SYNPR: variants seen among roughly 807,000 people sequenced by gnomAD.
The protein encoded by SYNPR is synaptoporin.
A neutral mutation model predicts 32.9 loss-of-function variants in SYNPR; 23 were observed. The observed-to-expected ratio is 0.70, with a 90% CI of 0.50 to 0.99. The LOEUF (loss-of-function observed/expected upper bound fraction) is 0.99. Among genes scored for constraint, SYNPR ranks in the 50% least tolerant of loss-of-function variants. The pLI is 0.00. For synonymous variants in SYNPR, 146 were observed against 135.9 expected, an observed-to-expected ratio of 1.07 and a Z score of -0.52; for missense variants, 318 against 349.3, an observed-to-expected ratio of 0.91 and a Z score of 0.71.
intron 4 of SYNPR, among the ~76,000 whole-genome samples, chr3:63,559,348 G>T (rs1445636130): frequency 6.6e-6 from 1 of 152,100 alleles, no homozygotes; most frequent in African/African-American, 2.4e-5. Flanking sequence ...AAAATGTTGG[G>T]ATTACAGGCG....
intron 3 of SYNPR, among the ~76,000 whole-genome samples, chr3:63,271,070 T>TC (rs2086532918): frequency 6.6e-6 from 1 of 150,658 alleles, no homozygotes; most frequent in African/African-American, 2.4e-5. Flanking sequence ...CTTCTCTCTT[T>TC]TAAGTGTTTA....
At chr3:63,496,892 C>A (rs182510749) in intron 3 of SYNPR, among the ~76,000 whole-genome samples, 1 of 152,050 alleles carries the variant, frequency 6.6e-6, no homozygotes, top group African/African-American at 2.4e-5. Flanking sequence ...TGGTACCAGG[C>A]ACTATGCTTG....
intron 4 of SYNPR, among the ~76,000 whole-genome samples, chr3:63,565,165 T>G (rs1328892550): frequency 6.6e-6 from 1 of 152,162 alleles, no homozygotes; most frequent in Non-Finnish European, 1.5e-5. Flanking sequence ...AAAACTTGGC[T>G]TCCTTTCTCA....
intron 2 of SYNPR, among the ~76,000 whole-genome samples, chr3:63,367,926 C>T (rs1483549305): frequency 2.0e-5 from 3 of 152,012 alleles, no homozygotes; most frequent in Non-Finnish European, 2.9e-5. Context: ...TTAGTATTGC[C>T]GTGATATTCT....
intron 2 of SYNPR, among the ~76,000 whole-genome samples, chr3:63,480,604 T>G (rs938198172): frequency 6.6e-6 from 1 of 152,316 alleles, no homozygotes; most frequent in East Asian, 1.9e-4. Context: ...TTGTCTTTAA[T>G]TATTCTCCAA....
intron 2 of SYNPR, among the ~76,000 whole-genome samples, chr3:63,301,319 T>C (rs2086855048): frequency 1.3e-5 from 2 of 152,124 alleles, no homozygotes. Flanking sequence ...CAGTAAGTGT[T>C]GTGAATTTTG....
chr3:63,376,614 C>T (rs560971045), intron 2 of SYNPR, among the ~76,000 whole-genome samples: 2 of 152,016 alleles, frequency 1.3e-5, no homozygotes, highest in African/African-American at 2.4e-5. Context: ...AAGATATTCA[C>T]GTGATTGTGA....
At chr3:63,445,502 G>C (rs1700259832) in intron 2 of SYNPR, 3 of 690,800 alleles carry the variant, frequency 4.3e-6, no homozygotes, top group Admixed American at 2.1e-5. Flanking sequence ...AACAATAAAG[G>C]GATTTTTAAA....
At chr3:63,495,265 A>G (rs776349676) in intron 3 of SYNPR, among the ~76,000 whole-genome samples, 5 of 152,230 alleles carry the variant, frequency 3.3e-5, no homozygotes, top group Admixed American at 6.5e-5. Context: ...AAGCTATTCC[A>G]AAGGGTTTAA....
intron 3 of SYNPR, among the ~76,000 whole-genome samples, chr3:63,508,567 G>A (rs1298033519): frequency 6.6e-6 from 1 of 152,092 alleles, no homozygotes; most frequent in African/African-American, 2.4e-5. Context: ...AATGTGGAAA[G>A]ACAAAACTCC....
chr3:63,271,910 C>T (rs1050867529), intron 3 of SYNPR, among the ~76,000 whole-genome samples: 1 of 152,034 alleles, frequency 6.6e-6, no homozygotes, highest in Non-Finnish European at 1.5e-5. Context: ...AATATTCTTG[C>T]TAACCTCCAA....
intron 3 of SYNPR, among the ~76,000 whole-genome samples, chr3:63,484,368 T>C (rs1479383180): frequency 6.6e-6 from 1 of 152,182 alleles, no homozygotes; most frequent in Admixed American, 6.5e-5. Flanking sequence ...TTCCATATTT[T>C]TGGTACTTCC....
chr3:63,308,812 T>C (rs890517508), intron 2 of SYNPR, among the ~76,000 whole-genome samples: 4 of 151,976 alleles, frequency 2.6e-5, no homozygotes, highest in Non-Finnish European at 5.9e-5. Context: ...ATGTTTATTG[T>C]GCCTGGAAAT....
chr3:63,270,187 T>A (rs182760003), intron 3 of SYNPR, among the ~76,000 whole-genome samples: 184 of 152,238 alleles, frequency 1.2e-3, no homozygotes, highest in Admixed American at 4.4e-3. Flanking sequence ...TTCCAAAACA[T>A]AATAGCATGA....
At chr3:63,581,779 T>C (rs1703097313) in intron 4 of SYNPR, among the ~76,000 whole-genome samples, 1 of 151,774 alleles carries the variant, frequency 6.6e-6, no homozygotes, top group South Asian at 2.1e-4. Flanking sequence ...TGACTCTTGC[T>C]GGTTTTCTTA....
At chr3:63,468,757 T>A (rs1272377505) in intron 2 of SYNPR, among the ~76,000 whole-genome samples, 1 of 152,118 alleles carries the variant, frequency 6.6e-6, no homozygotes, top group Non-Finnish European at 1.5e-5. Context: ...GCCAAGAACA[T>A]GCTGCTGCAC....
Position 63,301,955 on chromosome 3 carries a change from A to C in SYNPR, c.84+23213A>C, listed in dbSNP as rs575292776. 1.2e-4 allele frequency among the ~76,000 whole-genome samples: 18 copies of C among 152,172 alleles called. No homozygotes were observed. The South Asian group carries it at 3.7e-3, about 32-fold the overall frequency. ...ATGACAATGAGGACTTTGTCTGTTA[A>C]CTTCACCTCTGCAATTCCATTACCT... On this transcript the variant is annotated intron_variant, in intron 2 of 5. Transcript: ENST00000478300.
intron 2 of SYNPR, among the ~76,000 whole-genome samples, chr3:63,336,823 G>A (rs961404175): frequency 4.6e-5 from 7 of 152,084 alleles, no homozygotes; most frequent in Admixed American, 1.3e-4. Flanking sequence ...GCCACAGATT[G>A]CAAGAAAATA....
chr3:63,204,963 C>T, the SYNPR span, among the ~76,000 whole-genome samples: 1 of 152,182 alleles, frequency 6.6e-6, no homozygotes, highest in African/African-American at 2.4e-5. Context: ...GCTGAGATTA[C>T]AGGCATGAGC....
Sources: allele counts gnomAD v4.1 joint callset (sites outside exome capture counted in the v4.1 genomes callset), GRCh38; gene constraint gnomAD v4.1.1; transcripts MANE v1.5; gene names NCBI Gene and HGNC (gene_info 2026-07-23, HGNC 2026-07-21).